The following SLMAP variants were observed in gnomAD, a reference collection of about 807,000 sequenced individuals.
The protein encoded by SLMAP is sarcolemmal membrane-associated protein.
In SLMAP, 44 loss-of-function variants were observed where a neutral mutation model predicts 128.8. The observed-to-expected ratio is 0.34, with a 90% CI of 0.27 to 0.44. The LOEUF is 0.44. Among genes scored for constraint, SLMAP ranks in the 20% least tolerant of loss-of-function variants. SLMAP has a pLI of 1.00. For missense variants in SLMAP, 787 were observed against 985.3 expected (o/e 0.80, Z 2.69); for synonymous variants, 327 against 348.8 (o/e 0.94, Z 0.70).
intron 22 of SLMAP, 103 bp downstream of exon 22, chr3:57,917,180 T>C: frequency 6.4e-7 from 1 of 1,563,388 alleles, no homozygotes; most frequent in East Asian, 2.4e-5. Flanking sequence ...AGAAGTCACA[T>C]TACCTGTCAC....
At chr3:57,877,077 T>C (rs764121012) in intron 14 of SLMAP, among the ~76,000 whole-genome samples, 7 of 152,184 alleles carry the variant, frequency 4.6e-5, no homozygotes, top group Non-Finnish European at 1.0e-4. Context: ...GGATGTATTC[T>C]TAATCCGTGT....
At position 57,917,091 on chromosome 3, in the gene SLMAP, A is replaced by G. The variant is rs1322344080; in HGVS notation, c.2310+14A>G. The G allele has an allele frequency of 1.2e-6, 2 of 1,613,616 alleles. No individual in the cohort carries two copies. The highest frequency in any genetic ancestry group is 1.7e-6 in the Non-Finnish European group (2 of 1,179,726). On this transcript the variant is annotated intron_variant, in intron 22 of 24. Coordinates refer to ENST00000671191, the MANE Select transcript of SLMAP (RefSeq NM_001377540.1). ...GTGCAGAAAGAGGTAAAGCGAAAAG[A>G]CATTATGAGCCCAATTATGGTTGGA...
chr3:57,796,139 C>G lies in SLMAP; in HGVS notation c.199-35244C>G, dbSNP rs375004759. On this transcript the variant is annotated intron_variant, in intron 2 of 24. Transcript: ENST00000671191. ...ATTTTGAGTACTCTCTTACTTGGCT[C>G]TCCCTTCTATATTTAAAACATCCAC... Among the ~76,000 whole-genome samples, 7 of 152,236 alleles carry G rather than the reference C, an allele frequency of 4.6e-5. No homozygotes were observed. The East Asian group carries it at 1.2e-3, about 25-fold the overall frequency.
chr3:57,871,813 G>C (rs2095485856), intron 14 of SLMAP, 115 bp downstream of exon 14: 2 of 742,984 alleles, frequency 2.7e-6, no homozygotes, highest in Non-Finnish European at 4.7e-6. Context: ...GCTTAAAGGG[G>C]CATCTTTAGA....
intron 2 of SLMAP, among the ~76,000 whole-genome samples, chr3:57,776,731 G>C (rs980339962): frequency 2.6e-4 from 40 of 151,540 alleles, no homozygotes; most frequent in African/African-American, 8.7e-4. Flanking sequence ...TCACCATGTT[G>C]GTCAGGCTAT....
chr3:57,866,896 G>A (rs765554876), intron 13 of SLMAP, among the ~76,000 whole-genome samples: 9 of 151,882 alleles, frequency 5.9e-5, no homozygotes, highest in Non-Finnish European at 1.3e-4. Flanking sequence ...AATCATGTCC[G>A]GGGCAGTGGC....
chr3:57,781,894 A>G (rs78862612), intron 2 of SLMAP, among the ~76,000 whole-genome samples: 26,768 of 151,818 alleles, frequency 0.18, 2,665 homozygotes, highest in East Asian at 0.43. Context: ...CACCACACCC[A>G]GCTAATTTTT....
At chr3:57,817,508 G>GCTCAGAAGGCA (rs1447599914) in intron 2 of SLMAP, among the ~76,000 whole-genome samples, 1 of 152,146 alleles carries the variant, frequency 6.6e-6, no homozygotes, top group African/African-American at 2.4e-5. Context: ...TTTGGTTCCT[G>GCTCAGAAGGCA]CTCAGAAGGC....
chr3:57,912,560 A>G lies in SLMAP; in HGVS notation c.1879A>G (p.Lys627Glu). ...CATTGCTTCTTTACAAGAAGAGCTTAAGAAGGTGAGAGCTGAGCTTGAGCG... is the reference window on the plus strand; with the variant it reads ...CATTGCTTCTTTACAAGAAGAGCTTGAGAAGGTGAGAGCTGAGCTTGAGCG... ...TDIASLQEELKKVRAELERWR... is the reference protein window; with the variant it reads ...TDIASLQEELEKVRAELERWR... Residue 627 changes from lysine to glutamate, a missense_variant, in exon 20 of 25, where the codon AAG becomes GAG. By Grantham distance (56) the Lys-to-Glu change is moderately conservative. Transcript: ENST00000671191. 1 of 1,614,162 alleles carries G rather than the reference A, an allele frequency of 6.2e-7. No homozygotes were observed. Among genetic ancestry groups the G allele is most frequent in the Non-Finnish European group, 8.5e-7 (1 of 1,180,004 alleles).
chr3:57,791,929 A>C (rs1157926083), intron 2 of SLMAP, among the ~76,000 whole-genome samples: 2 of 152,178 alleles, frequency 1.3e-5, no homozygotes, highest in Non-Finnish European at 2.9e-5. Flanking sequence ...ATTAAAATGT[A>C]AGAAGTATAA....
At chr3:57,771,147 C>T (rs2080770827) in intron 2 of SLMAP, among the ~76,000 whole-genome samples, 1 of 119,012 alleles carries the variant, frequency 8.4e-6, no homozygotes, top group South Asian at 2.9e-4. Context: ...CTCTGCTCTC[C>T]CCTCCCCTCC....
chr3:57,908,374 G>A (rs946690629), intron 18 of SLMAP, among the ~76,000 whole-genome samples: 1 of 152,190 alleles, frequency 6.6e-6, no homozygotes, highest in African/African-American at 2.4e-5. Context: ...CTTATCTATA[G>A]GTCATAAGCC....
chr3:57,782,652 T>C (rs2083306741), intron 2 of SLMAP, among the ~76,000 whole-genome samples: 1 of 152,092 alleles, frequency 6.6e-6, no homozygotes, highest in Non-Finnish European at 1.5e-5. Context: ...TTTTTGTTTT[T>C]TTGTAAAGAT....
chr3:57,909,503 GAAA>G (rs558353210), intron 19 of SLMAP, among the ~76,000 whole-genome samples: 1 of 126,156 alleles, frequency 7.9e-6, no homozygotes. Flanking sequence ...CTCCATCTCA[GAAA>G]AAAAAAAAAA....
intron 2 of SLMAP, among the ~76,000 whole-genome samples, chr3:57,803,550 CT>C (rs1466820798): frequency 6.6e-6 from 1 of 152,020 alleles, no homozygotes; most frequent in African/African-American, 2.4e-5. Context: ...TTTTTGTTTC[CT>C]TGAATGTAAT....
intron 2 of SLMAP, among the ~76,000 whole-genome samples, chr3:57,784,465 C>G (rs1444606559): frequency 6.6e-6 from 1 of 152,132 alleles, no homozygotes; most frequent in African/African-American, 2.4e-5. Flanking sequence ...TTTCCTCATC[C>G]CTATTGGAAT....
chr3:57,906,425 C>T (rs932113710), intron 17 of SLMAP, among the ~76,000 whole-genome samples: 5 of 145,444 alleles, frequency 3.4e-5, no homozygotes, highest in Non-Finnish European at 7.5e-5. Flanking sequence ...AAGCAATTCT[C>T]GTGCCTCAGC....
chr3:57,790,565 T>C (rs2085248042), intron 2 of SLMAP, among the ~76,000 whole-genome samples: 1 of 152,218 alleles, frequency 6.6e-6, no homozygotes, highest in African/African-American at 2.4e-5. Flanking sequence ...TCACTTATTT[T>C]CTATTTGTAT....
chr3:57,843,311 T>TTTTTTTTTTTTTTTTTTTTTTTTTTTTTC (rs2094047917), intron 4 of SLMAP, among the ~76,000 whole-genome samples: 1 of 93,222 alleles, frequency 1.1e-5, no homozygotes, highest in Non-Finnish European at 2.4e-5. Flanking sequence ...TTTCCTTTTT[T>TTTTTTTTTTTTTTTTTTTTTTTTTTTTTC]TTTTTTTTTT....
Sources: allele counts gnomAD v4.1 joint callset (sites outside exome capture counted in the v4.1 genomes callset), GRCh38; gene constraint gnomAD v4.1.1; transcripts MANE v1.5; gene names NCBI Gene and HGNC (gene_info 2026-07-23, HGNC 2026-07-21).